ZFPM2: variants seen among roughly 807,000 people sequenced by gnomAD.
The protein encoded by ZFPM2 is zinc finger protein, FOG family member 2.
In ZFPM2, 20 loss-of-function variants were observed where a neutral mutation model predicts 98.6. That is an observed-to-expected ratio of 0.20 (90% CI 0.14 to 0.29). The LOEUF (loss-of-function observed/expected upper bound fraction) is 0.29, where lower values mean the gene tolerates loss of function less well. Ranked by LOEUF, ZFPM2 falls within the 10% of genes least tolerant of loss-of-function variation. The probability of loss-of-function intolerance (pLI) is 1.00; values close to 1 mark genes in which losing one functional copy is unlikely to be tolerated. For synonymous variants in ZFPM2, 518 were observed against 502.7 expected (o/e 1.03, Z -0.41); for missense variants, 1,310 against 1,388.6 (o/e 0.94, Z 0.90).
At chr8:105,709,108 A>G (rs1811324686) in intron 5 of ZFPM2, among the ~76,000 whole-genome samples, 1 of 152,190 alleles carries the variant, frequency 6.6e-6, no homozygotes, top group Non-Finnish European at 1.5e-5. Flanking sequence ...GGGCTCTCTG[A>G]TGTGCCTTTT....
At chr8:105,771,146 TTC>T (rs1318885410) in intron 5 of ZFPM2, among the ~76,000 whole-genome samples, 1 of 152,188 alleles carries the variant, frequency 6.6e-6, no homozygotes, top group Non-Finnish European at 1.5e-5. Context: ...TGTAAAATTA[TTC>T]TCTGTCACTC....
At chr8:105,572,353 A>G (rs1453013908) in intron 4 of ZFPM2, among the ~76,000 whole-genome samples, 2 of 152,044 alleles carry the variant, frequency 1.3e-5, no homozygotes, top group African/African-American at 4.8e-5. Context: ...TAAATTTCTA[A>G]TAAGAGAATA....
intron 3 of ZFPM2, among the ~76,000 whole-genome samples, chr8:105,474,300 G>C (rs1227646409): frequency 6.6e-6 from 1 of 152,138 alleles, no homozygotes; most frequent in Non-Finnish European, 1.5e-5. Context: ...TATTACGTTA[G>C]TCTTCAATTT....
chr8:105,443,820 G>A (rs1472738420), intron 2 of ZFPM2, among the ~76,000 whole-genome samples: 1 of 152,056 alleles, frequency 6.6e-6, no homozygotes, highest in Non-Finnish European at 1.5e-5. Context: ...TAAAGCTGGG[G>A]AAAAATAAAA....
At chr8:105,723,091 G>A (rs1332919904) in intron 5 of ZFPM2, among the ~76,000 whole-genome samples, 1 of 151,636 alleles carries the variant, frequency 6.6e-6, no homozygotes, top group African/African-American at 2.4e-5. Context: ...TCATTCCTCT[G>A]GTGTGGTGTC....
At chr8:105,376,420 C>T (rs1203387665) in intron 1 of ZFPM2, among the ~76,000 whole-genome samples, 1 of 152,294 alleles carries the variant, frequency 6.6e-6, no homozygotes, top group African/African-American at 2.4e-5. Context: ...TAAATACCTT[C>T]TGTCTCTGAA....
intron 3 of ZFPM2, among the ~76,000 whole-genome samples, chr8:105,464,215 G>GA (rs1812754531): frequency 6.6e-6 from 1 of 152,002 alleles, no homozygotes; most frequent in Non-Finnish European, 1.5e-5. Flanking sequence ...GAAGAAATGA[G>GA]AAAGTGCAAA....
intron 5 of ZFPM2, among the ~76,000 whole-genome samples, chr8:105,735,007 AT>A (rs1394898118): frequency 4.0e-5 from 6 of 150,014 alleles, no homozygotes; most frequent in Admixed American, 2.0e-4. Flanking sequence ...ATTAATATAT[AT>A]TTGATTGGTG....
intron 4 of ZFPM2, among the ~76,000 whole-genome samples, chr8:105,625,551 T>C (rs1161097574): frequency 6.6e-6 from 1 of 151,956 alleles, no homozygotes; most frequent in East Asian, 1.9e-4. Flanking sequence ...TAACTGGTCA[T>C]GGGGAATATT....
chr8:105,470,582 A>C (rs1812882578), intron 3 of ZFPM2, among the ~76,000 whole-genome samples: 1 of 152,178 alleles, frequency 6.6e-6, no homozygotes, highest in South Asian at 2.1e-4. Context: ...GTTTGAGATC[A>C]GCCTGGACAA....
chr8:105,385,797 A>C (rs1401855016), intron 1 of ZFPM2, among the ~76,000 whole-genome samples: 1 of 152,208 alleles, frequency 6.6e-6, no homozygotes, highest in Non-Finnish European at 1.5e-5. Context: ...TGTGAAGGAC[A>C]CAGTGTGCTT....
intron 3 of ZFPM2, among the ~76,000 whole-genome samples, chr8:105,519,221 C>T (rs1211209688): frequency 7.9e-5 from 12 of 151,878 alleles, no homozygotes; most frequent in Middle Eastern, 3.2e-3. Flanking sequence ...TTCCAGAGCC[C>T]GTGTGTTTAA....
intron 5 of ZFPM2, among the ~76,000 whole-genome samples, chr8:105,638,735 G>A (rs1361807638): frequency 6.6e-6 from 1 of 152,002 alleles, no homozygotes; most frequent in African/African-American, 2.4e-5. Flanking sequence ...GTTCCTAAAT[G>A]TAGGCTAGTA....
At chr8:105,420,565 T>C (rs1213576392) in intron 2 of ZFPM2, among the ~76,000 whole-genome samples, 2 of 152,122 alleles carry the variant, frequency 1.3e-5, no homozygotes, top group Non-Finnish European at 2.9e-5. Context: ...ACATCAGAGA[T>C]TTTTAATTGA....
At chr8:105,565,280 C>G (rs1485636095) in intron 4 of ZFPM2, among the ~76,000 whole-genome samples, 1 of 152,060 alleles carries the variant, frequency 6.6e-6, no homozygotes, top group Non-Finnish European at 1.5e-5. Flanking sequence ...ATTAGTTTGA[C>G]AAAAAGTTGT....
chr8:105,342,879 A>G lies in ZFPM2; in HGVS notation c.40+23898A>G, dbSNP rs550718120. ...TAGGTTTCTTAGTAAACTCTGTCCA[A>G]TGCCTGTCATACTAAACTCCTAGGT... On this transcript the variant is annotated intron_variant, in intron 1 of 7. Coordinates refer to ENST00000407775, the MANE Select transcript of ZFPM2 (RefSeq NM_012082.4). Among the ~76,000 whole-genome samples the G allele has an allele frequency of 1.7e-3, 258 of 152,188 alleles. 2 individuals carry two copies. The highest frequency in any genetic ancestry group is 3.1e-3 in the Non-Finnish European group (214 of 67,974).
At chr8:105,466,377 A>T (rs1812796215) in intron 3 of ZFPM2, among the ~76,000 whole-genome samples, 2 of 152,028 alleles carry the variant, frequency 1.3e-5, no homozygotes, top group Non-Finnish European at 2.9e-5. Context: ...AAACAACAAA[A>T]CTTACTATAA....
At position 105,801,885 on chromosome 8, in the gene ZFPM2, A is replaced by C; in HGVS notation, c.1803A>C (p.Gln601His). ...AAGCTTTGAGTCCCAACACTGGCCA[A>C]ACCTCCATAAACCTTCTCAACCCAG... ...MPEALSPNTG[Q>H]TSINLLNPAA... The change falls in exon 8 of 8, where the codon CAA (glutamine) becomes CAC (histidine). Residue 601 changes from glutamine (Q) to histidine (H), a missense_variant. Coordinates refer to ENST00000407775, the MANE Select transcript of ZFPM2 (RefSeq NM_012082.4). 1 of 1,613,914 alleles carries C rather than the reference A, an allele frequency of 6.2e-7. No homozygotes were observed. Among genetic ancestry groups the C allele is most frequent in the East Asian group, 2.2e-5 (1 of 44,868 alleles).
intron 3 of ZFPM2, among the ~76,000 whole-genome samples, chr8:105,459,088 C>T (rs953406078): frequency 8.7e-4 from 132 of 151,964 alleles, no homozygotes; most frequent in African/African-American, 3.0e-3. Context: ...TTTTTTCTTT[C>T]TCTGAGACAG....
Sources: gnomAD v4.1 joint callset for allele counts (sites outside exome capture counted in the v4.1 genomes callset) on GRCh38, gnomAD v4.1.1 for gene constraint, MANE v1.5 for transcripts, NCBI Gene and HGNC (gene_info 2026-07-23, HGNC 2026-07-21) for gene names.